DLG2: variants seen among roughly 807,000 people sequenced by gnomAD.
DLG2 encodes disks large homolog 2.
A neutral mutation model predicts 132.5 loss-of-function variants in DLG2; 45 were observed. The ratio of observed to expected loss-of-function variants is 0.34; its 90% confidence interval spans 0.27 to 0.44. DLG2 has a LOEUF of 0.44. Ranked by LOEUF, DLG2 falls within the 20% of genes least tolerant of loss-of-function variation. DLG2 has a pLI of 1.00. For missense variants in DLG2, 1,045 were observed against 1,196.9 expected (o/e 0.87, Z 1.87); for synonymous variants, 424 against 419.6 (o/e 1.01, Z -0.13).
At chr11:85,615,014 C>T (rs2081248222) in intron 2 of DLG2, among the ~76,000 whole-genome samples, 1 of 152,196 alleles carries the variant, frequency 6.6e-6, no homozygotes, top group South Asian at 2.1e-4. Flanking sequence ...TTTACCCTCC[C>T]TAAAAAAGAA....
intron 10 of DLG2, among the ~76,000 whole-genome samples, chr11:84,090,180 G>A (rs1040444901): frequency 7.2e-5 from 11 of 152,056 alleles, no homozygotes; most frequent in African/African-American, 1.9e-4. Flanking sequence ...TTGGGAGGCC[G>A]AGGCAGGTAG....
chr11:83,671,539 T>C (rs914299845), intron 18 of DLG2, among the ~76,000 whole-genome samples: 16 of 152,190 alleles, frequency 1.1e-4, no homozygotes, highest in Non-Finnish European at 2.4e-4. Flanking sequence ...ATAAGATAAA[T>C]GTAGTTAAAG....
At chr11:85,255,610 T>C (rs2076627730) in intron 4 of DLG2, among the ~76,000 whole-genome samples, 1 of 152,230 alleles carries the variant, frequency 6.6e-6, no homozygotes, top group African/African-American at 2.4e-5. Context: ...GCAATCTAAA[T>C]TAACAGAATC....
chr11:84,299,558 A>T (rs1006109261), intron 7 of DLG2, among the ~76,000 whole-genome samples: 9 of 152,226 alleles, frequency 5.9e-5, no homozygotes, highest in African/African-American at 2.2e-4. Context: ...AGTGAATTGT[A>T]AAACAGGTTT....
At chr11:84,187,593 C>T (rs1275981090) in intron 8 of DLG2, among the ~76,000 whole-genome samples, 18 of 152,000 alleles carry the variant, frequency 1.2e-4, no homozygotes, top group Admixed American at 1.2e-3. Flanking sequence ...GAACCCATTT[C>T]TTCTTATGTC....
intron 7 of DLG2, among the ~76,000 whole-genome samples, chr11:84,268,219 G>A (rs1009909228): frequency 6.6e-6 from 1 of 152,040 alleles, no homozygotes; most frequent in African/African-American, 2.4e-5. Flanking sequence ...GCCTTCGCTG[G>A]TTATCTTTCC....
intron 18 of DLG2, among the ~76,000 whole-genome samples, chr11:83,688,203 C>A (rs990900700): frequency 5.3e-5 from 8 of 152,118 alleles, no homozygotes; most frequent in African/African-American, 1.9e-4. Flanking sequence ...TTGAATTTAA[C>A]AATATTCATT....
In DLG2 at chr11:85,537,555, A is replaced by T. The variant is rs576415892; in HGVS notation, c.40+61102T>A. Among the ~76,000 whole-genome samples the T allele has an allele frequency of 1.3e-5, 2 of 148,658 alleles. 1 individual carries two copies. The highest frequency in any genetic ancestry group is 5.2e-5 in the African/African-American group (2 of 38,704). On this transcript the variant is annotated intron_variant, in intron 3 of 27. Transcript: ENST00000376104. Reference sequence around the variant, plus strand: ...GGGATGAACAACTCCAGATGGGAGGAATGAACAACTCCAGACGTGCCACCT... The same window carrying T: ...GGGATGAACAACTCCAGATGGGAGGTATGAACAACTCCAGACGTGCCACCT...
At chr11:85,380,906 A>G (rs1217425552) in intron 3 of DLG2, among the ~76,000 whole-genome samples, 1 of 152,192 alleles carries the variant, frequency 6.6e-6, no homozygotes, top group East Asian at 1.9e-4. Context: ...AGCAACCACA[A>G]ACTCAAAACT....
At chr11:84,097,748 T>C (rs144647583) in intron 10 of DLG2, among the ~76,000 whole-genome samples, 59 of 152,302 alleles carry the variant, frequency 3.9e-4, no homozygotes, top group African/African-American at 1.3e-3. Context: ...GTTATACATA[T>C]GTAACTGCTT....
chr11:84,293,814 A>G (rs1198849231), intron 7 of DLG2, among the ~76,000 whole-genome samples: 2 of 152,266 alleles, frequency 1.3e-5, no homozygotes, highest in African/African-American at 2.4e-5. Flanking sequence ...TGGACAATCT[A>G]GAACTCATCA....
At position 83,557,134 on chromosome 11, in the gene DLG2, A is replaced by G. The variant is rs374005822; in HGVS notation, c.1941-15276T>C. On this transcript the variant is annotated intron_variant, in intron 19 of 27. Transcript: ENST00000376104. ...TAGGTGTTTCTTAAGAACTCCAAATAGTGTGTTCAGTGCTGAAGGCAAAAG... is the reference window on the plus strand; with the variant it reads ...TAGGTGTTTCTTAAGAACTCCAAATGGTGTGTTCAGTGCTGAAGGCAAAAG... Among the ~76,000 whole-genome samples the G allele has an allele frequency of 7.2e-5, 11 of 152,312 alleles. No individual in the cohort carries two copies. In the East Asian group the frequency reaches 1.2e-3, roughly 16 times the overall value.
At chr11:85,392,545 G>A (rs111890766) in intron 3 of DLG2, among the ~76,000 whole-genome samples, 2 of 151,938 alleles carry the variant, frequency 1.3e-5, no homozygotes, top group Non-Finnish European at 2.9e-5. Flanking sequence ...AAATCTGGAG[G>A]CATCATACTA....
intron 18 of DLG2, among the ~76,000 whole-genome samples, chr11:83,676,977 G>C (rs1317335162): frequency 6.6e-6 from 1 of 152,080 alleles, no homozygotes; most frequent in Non-Finnish European, 1.5e-5. Context: ...ACCGAACAAA[G>C]CAAGGTAATC....
chr11:85,448,245 TA>T (rs1239862999), intron 3 of DLG2, among the ~76,000 whole-genome samples: 3 of 152,226 alleles, frequency 2.0e-5, no homozygotes, highest in Non-Finnish European at 4.4e-5. Flanking sequence ...TAAACTAGAC[TA>T]TTGCTAAGAA....
chr11:84,482,704 CATGTCTTTCTATTTTTCCCCAAAG>C (rs1477564596), intron 7 of DLG2, among the ~76,000 whole-genome samples: 6 of 152,162 alleles, frequency 3.9e-5, no homozygotes. Flanking sequence ...TATTTGGGCC[CATGTCTTTCTATTTTTCCCCAAAG>C]ATGAAGTCCT....
At chr11:84,443,710 C>A (rs762364184) in intron 7 of DLG2, among the ~76,000 whole-genome samples, 1 of 152,094 alleles carries the variant, frequency 6.6e-6, no homozygotes, top group Non-Finnish European at 1.5e-5. Context: ...TCTGTTCATA[C>A]CCCTTGCCCA....
intron 3 of DLG2, among the ~76,000 whole-genome samples, chr11:85,376,822 C>T (rs1362051774): frequency 6.6e-6 from 1 of 151,896 alleles, no homozygotes; most frequent in Non-Finnish European, 1.5e-5. Context: ...AGAGTGATAC[C>T]CCACTACTAG....
intron 6 of DLG2, among the ~76,000 whole-genome samples, chr11:84,920,599 A>G (rs1271295568): frequency 6.6e-6 from 1 of 152,156 alleles, no homozygotes; most frequent in Non-Finnish European, 1.5e-5. Context: ...GTTTCTATCT[A>G]TCCTAGTTTC....
Sources: gnomAD v4.1 joint callset for allele counts (sites outside exome capture counted in the v4.1 genomes callset) on GRCh38, gnomAD v4.1.1 for gene constraint, MANE v1.5 for transcripts, NCBI Gene and HGNC (gene_info 2026-07-23, HGNC 2026-07-21) for gene names.